The following POM121C variants were observed in gnomAD, a reference collection of about 807,000 sequenced individuals.
POM121C encodes the protein POM121 transmembrane nucleoporin C.
POM121C carries 20 observed loss-of-function variants against 66.4 expected under a neutral mutation model. That is an observed-to-expected ratio of 0.30 (90% CI 0.21 to 0.44). The LOEUF is 0.44. Ranked by LOEUF, POM121C falls within the 20% of genes least tolerant of loss-of-function variation. The pLI is 1.00. For missense variants in POM121C, 580 were observed against 1,225.7 expected (o/e 0.47, Z 7.87); for synonymous variants, 286 against 528.0 (o/e 0.54, Z 6.28).
At chr7:75,433,528 A>T (rs1399490467) in intron 7 of POM121C, among the ~76,000 whole-genome samples, 10 of 151,720 alleles carry the variant, frequency 6.6e-5, no homozygotes, top group Non-Finnish European at 1.0e-4. Context: ...GCTAATTTTT[A>T]AAAAATATTC....
intron 7 of POM121C, among the ~76,000 whole-genome samples, chr7:75,431,815 G>A (rs1790194883): frequency 6.6e-6 from 1 of 151,828 alleles, no homozygotes; most frequent in Non-Finnish European, 1.5e-5. Context: ...AGCTCAGTGT[G>A]GTGGTGCATG....
Position 75,422,094 on chromosome 7 carries a change from GCTTGGCGGCCCCCGGTGGCTGCCC to G in POM121C, c.2134_2157del (p.Gly712_Lys719del). ...CTGCCAAAGCTGGGGGTAAGGGCTG[GCTTGGCGGCCCCCGGTGGCTGCCC>G]CTCAGCGGCCCCAAATGCGGGCTGG... On this transcript the variant is annotated inframe_deletion, in exon 13 of 15. Transcript: ENST00000615331. 2 of 1,605,802 alleles carry G rather than the reference GCTTGGCGGCCCCCGGTGGCTGCCC, an allele frequency of 1.2e-6. No individual in the cohort carries two copies. Among genetic ancestry groups the G allele is most frequent in the African/African-American group, 2.7e-5 (2 of 74,970 alleles).
chr7:75,421,544 A>C lies in POM121C; in HGVS notation c.2708T>G (p.Val903Gly). 1.9e-6 allele frequency: 3 copies of C among 1,611,458 alleles called. No homozygotes were observed. The highest frequency in any genetic ancestry group is 2.5e-6 in the Non-Finnish European group (3 of 1,179,696). Residue 903 changes from valine to glycine, a missense_variant, in exon 13 of 15, where the codon GTG (valine) becomes GGG (glycine). Physicochemically the swap from Val to Gly is moderately radical, Grantham distance 109. Transcript: ENST00000615331. Reference sequence around the variant, plus strand: ...AGGTTTGCTCTCAGTTGTGCTGCCCACGTTGAAGGCAAACGGTGTGCTCTG... The same window carrying C: ...AGGTTTGCTCTCAGTTGTGCTGCCCCCGTTGAAGGCAAACGGTGTGCTCTG... ...TGQSTPFAFN[V>G]GSTTESKPVF...
chr7:75,441,701 T>A, intron 3 of POM121C, 54 bp from the exon 4 acceptor site: 5 of 1,433,988 alleles, frequency 3.5e-6, no homozygotes, highest in Non-Finnish European at 3.8e-6. Flanking sequence ...AATGTCAAAA[T>A]TTTAGACGGT....
chr7:75,460,169 CA>C lies in POM121C; in HGVS notation c.-152+14534del, dbSNP rs1238885311. 1.2e-4 allele frequency among the ~76,000 whole-genome samples: 18 copies of C among 144,296 alleles called. No individual in the cohort carries two copies. The East Asian group carries it at 1.6e-3, about 13-fold the overall frequency. The allele number at this position is 144,296 out of a possible 152,430, so 94.7% of individuals were successfully genotyped here. A position where few individuals can be genotyped will look rare whatever the true frequency, so the allele number is the denominator to read the frequency against. Reference sequence around the variant, plus strand: ...ATATAAATCTTCTAAACACAGCAATCAAAAAGGTTGTTGGAATCTGTTTTTT... The same window carrying C: ...ATATAAATCTTCTAAACACAGCAATCAAAAGGTTGTTGGAATCTGTTTTTT... On this transcript the variant is annotated intron_variant, in intron 3 of 14. Coordinates refer to ENST00000615331, the MANE Select transcript of POM121C (RefSeq NM_001099415.3).
In POM121C at chr7:75,448,035, A is replaced by AC; in HGVS notation, c.-151-6389_-151-6388insG. ...CTAGACTCCGTCTCAAAAAAAAAAA[A>AC]AAAACCAACCAAACAAACAAACAAA... On this transcript the variant is annotated intron_variant, in intron 3 of 14. Transcript: ENST00000615331. 2.6e-5 allele frequency among the ~76,000 whole-genome samples: 4 copies of AC among 151,490 alleles called. No individual in the cohort carries two copies. The Middle Eastern group carries it at 0.01, about 389-fold the overall frequency.
At chr7:75,461,549 G>C (rs1383568267) in intron 3 of POM121C, among the ~76,000 whole-genome samples, 13 of 152,146 alleles carry the variant, frequency 8.5e-5, no homozygotes, top group Admixed American at 7.2e-4. Flanking sequence ...CAAGTAGCTG[G>C]GATTACAGGC....
chr7:75,443,320 A>G (rs1201655820), intron 3 of POM121C, among the ~76,000 whole-genome samples: 2 of 151,926 alleles, frequency 1.3e-5, no homozygotes, highest in Non-Finnish European at 2.9e-5. Flanking sequence ...ATAGAAAATG[A>G]CTGCTTATGG....
intron 3 of POM121C, among the ~76,000 whole-genome samples, chr7:75,473,483 A>G (rs1159922274): frequency 9.9e-5 from 15 of 152,124 alleles, no homozygotes; most frequent in Non-Finnish European, 1.9e-4. Context: ...ACAAATGAGC[A>G]TTGGGGAAAG....
intron 1 of POM121C, among the ~76,000 whole-genome samples, chr7:75,475,586 G>A (rs1316836070): frequency 4.0e-5 from 6 of 151,098 alleles, no homozygotes; most frequent in Non-Finnish European, 8.9e-5. Flanking sequence ...ATGTTGGAGT[G>A]CCCACCACTC....
intron 7 of POM121C, among the ~76,000 whole-genome samples, chr7:75,436,786 CA>C (rs1224328405): frequency 6.6e-6 from 1 of 151,970 alleles, no homozygotes; most frequent in East Asian, 1.9e-4. Context: ...CAGAGCCAAG[CA>C]TTTTTTTCCT....
intron 12 of POM121C, among the ~76,000 whole-genome samples, chr7:75,423,795 C>T (rs1214402046): frequency 6.6e-6 from 1 of 151,632 alleles, no homozygotes; most frequent in Non-Finnish European, 1.5e-5. Context: ...TCATTCTCAT[C>T]TGACAAATGA....
chr7:75,462,623 C>T (rs879988759), intron 3 of POM121C, among the ~76,000 whole-genome samples: 5 of 152,036 alleles, frequency 3.3e-5, no homozygotes, highest in East Asian at 3.9e-4. Context: ...TTTGTTTTCC[C>T]GTTCTCAGCT....
At chr7:75,465,538 C>T (rs1280041625) in intron 3 of POM121C, among the ~76,000 whole-genome samples, 6 of 150,942 alleles carry the variant, frequency 4.0e-5, no homozygotes, top group East Asian at 2.0e-4. Flanking sequence ...GTGGATCATG[C>T]GGTCAGGAGT....
At chr7:75,465,472 C>T (rs1411397324) in intron 3 of POM121C, among the ~76,000 whole-genome samples, 12 of 151,298 alleles carry the variant, frequency 7.9e-5, no homozygotes, top group African/African-American at 1.7e-4. Flanking sequence ...AGCCTGAGTC[C>T]GGCCTGGCAC....
chr7:75,459,688 AAG>A (rs1401768249), intron 3 of POM121C, among the ~76,000 whole-genome samples: 7 of 146,714 alleles, frequency 4.8e-5, no homozygotes, highest in African/African-American at 1.0e-4. Context: ...TAAATTAAAA[AAG>A]AGAAATTTAA....
At position 75,439,135 on chromosome 7, in the gene POM121C, C is replaced by T. The variant is rs373495632; in HGVS notation, c.308+9G>A. The T allele has an allele frequency of 7.5e-5, 121 of 1,614,150 alleles. No individual in the cohort carries two copies. Among genetic ancestry groups the T allele is most frequent in the Non-Finnish European group, 9.4e-5 (111 of 1,179,972 alleles). ...AGTTGGTATTTCATCTGGATGGACT[C>T]GCACTTACTTAGGCACAAAAGAAGC... On this transcript the variant is annotated intron_variant, in intron 6 of 14. Transcript: ENST00000615331.
intron 3 of POM121C, among the ~76,000 whole-genome samples, chr7:75,461,141 TGAGA>T (rs1200289798): frequency 6.6e-6 from 1 of 152,062 alleles, no homozygotes; most frequent in Non-Finnish European, 1.5e-5. Flanking sequence ...CCCAGGTGAC[TGAGA>T]GAATCACATT....
Position 75,424,170 on chromosome 7 carries a change from G to C in POM121C, c.927C>G (p.Thr309=), listed in dbSNP as rs782567823. The change falls in exon 12 of 15, where the codon ACC becomes ACG. Residue 309 remains threonine (T), a synonymous_variant. Transcript: ENST00000615331. The part of the protein sequence containing the change: ...ETPPTTQPSF[T]FTLPAAATAS... ...CAGTTGCAGCAGCAGGCAGGGTAAA[G>C]GTAAATGAAGGCTGAGTGGTAGGTG... is the stretch of plus-strand genomic sequence containing the variant. 4.3e-6 allele frequency: 7 copies of C among 1,611,890 alleles called. No homozygotes were observed. The Admixed American group carries it at 1.2e-4, about 27-fold the overall frequency.
Sources: allele counts gnomAD v4.1 joint callset (sites outside exome capture counted in the v4.1 genomes callset), GRCh38; gene constraint gnomAD v4.1.1; transcripts MANE v1.5; gene names NCBI Gene and HGNC (gene_info 2026-07-23, HGNC 2026-07-21).